Variants in ODAD2 observed in about 807,000 individuals in gnomAD.
ODAD2 encodes outer dynein arm docking complex subunit 2.
In ODAD2, 89 loss-of-function variants were observed where a neutral mutation model predicts 106.8. The ratio of observed to expected loss-of-function variants is 0.83; its 90% CI spans 0.70 to 0.99. ODAD2 has a LOEUF of 0.99. Among genes scored for constraint, ODAD2 ranks in the 50% least tolerant of loss-of-function variants. ODAD2 has a pLI of 0.00. For synonymous variants in ODAD2, 404 were observed against 436.2 expected, an observed-to-expected ratio of 0.93 and a Z score of 0.92; for missense variants, 1,168 against 1,238.5, an observed-to-expected ratio of 0.94 and a Z score of 0.85.
intron 19 of ODAD2, among the ~76,000 whole-genome samples, chr10:27,823,068 G>A (rs1395622568): frequency 1.3e-5 from 2 of 152,100 alleles, no homozygotes; most frequent in Non-Finnish European, 2.9e-5. Context: ...CTTGATGACT[G>A]GCTGGGTCAG....
At chr10:27,948,550 G>A (rs747239488) in intron 10 of ODAD2, among the ~76,000 whole-genome samples, 50 of 152,146 alleles carry the variant, frequency 3.3e-4, no homozygotes, top group Non-Finnish European at 6.2e-4. Flanking sequence ...TCTCCCCTAA[G>A]AACATAATTA....
At chr10:27,840,567 T>C (rs1179110570) in intron 19 of ODAD2, among the ~76,000 whole-genome samples, 2 of 152,160 alleles carry the variant, frequency 1.3e-5, no homozygotes, top group African/African-American at 4.8e-5. Flanking sequence ...CAGCTTCCCT[T>C]GTCTGAGATT....
chr10:27,997,693 C>T (rs1850636415), intron 1 of ODAD2, among the ~76,000 whole-genome samples: 1 of 152,072 alleles, frequency 6.6e-6, no homozygotes, highest in African/African-American at 2.4e-5. Context: ...CTATGACAAT[C>T]CAGAAGGCAA....
chr10:27,958,607 T>A (rs1048224079), intron 10 of ODAD2, among the ~76,000 whole-genome samples: 2 of 152,196 alleles, frequency 1.3e-5, no homozygotes, highest in Non-Finnish European at 2.9e-5. Flanking sequence ...AAAGTAAAAG[T>A]TGAAGGCCAC....
chr10:27,943,556 G>C (rs1265722883), intron 12 of ODAD2, among the ~76,000 whole-genome samples: 1 of 151,986 alleles, frequency 6.6e-6, no homozygotes, highest in African/African-American at 2.4e-5. Flanking sequence ...GGAGGCCAAG[G>C]TGGGCGGATT....
intron 16 of ODAD2, among the ~76,000 whole-genome samples, chr10:27,927,971 C>G (rs151309252): frequency 5.3e-5 from 8 of 152,206 alleles, no homozygotes; most frequent in African/African-American, 1.9e-4. Context: ...TCTAACTAAG[C>G]TTTAGACATG....
intron 8 of ODAD2, among the ~76,000 whole-genome samples, chr10:27,970,143 A>C (rs962091462): frequency 4.1e-5 from 6 of 146,626 alleles, no homozygotes; most frequent in African/African-American, 1.6e-4. Flanking sequence ...TAAATAAATA[A>C]ATAAATCTCT....
chr10:27,833,230 T>G (rs948156672), intron 19 of ODAD2, among the ~76,000 whole-genome samples: 2 of 152,220 alleles, frequency 1.3e-5, no homozygotes, highest in Non-Finnish European at 2.9e-5. Context: ...TTGCTGCCAG[T>G]TATGACTGCC....
At chr10:27,860,582 A>T in intron 19 of ODAD2, 43 bp downstream of exon 19, 3 of 1,583,354 alleles carry the variant, frequency 1.9e-6, no homozygotes, top group Non-Finnish European at 2.6e-6. Flanking sequence ...TCCAGGCTAC[A>T]TTTACCAAAC....
At chr10:27,899,235 G>C (rs563950552) in intron 17 of ODAD2, among the ~76,000 whole-genome samples, 2 of 152,078 alleles carry the variant, frequency 1.3e-5, no homozygotes, top group African/African-American at 2.4e-5. Context: ...CTAGCCAAGG[G>C]AAGGGGGAGT....
intron 17 of ODAD2, among the ~76,000 whole-genome samples, chr10:27,884,976 G>T (rs1040196940): frequency 6.6e-6 from 1 of 152,066 alleles, no homozygotes; most frequent in Non-Finnish European, 1.5e-5. Flanking sequence ...GAGAGAAGTG[G>T]CTGTTTCTTT....
chr10:27,885,648 TTATATATAATATATTA>T (rs1842084494), intron 17 of ODAD2, among the ~76,000 whole-genome samples: 1 of 30,982 alleles, frequency 3.2e-5, no homozygotes, highest in African/African-American at 9.7e-5. Flanking sequence ...ATTATATATA[TTATATATAATATATTA>T]TATATAAAAT....
rs184455566 is a variant in ODAD2, at chr10:27,931,970, T to C, written c.2495+3040A>G. Reference sequence around the variant, plus strand: ...AATATACCTAACCTACTGAACATCATAGCTTAGACTAGCCCACCTTAAATA... The same window carrying C: ...AATATACCTAACCTACTGAACATCACAGCTTAGACTAGCCCACCTTAAATA... On this transcript the variant is annotated intron_variant, in intron 16 of 19. Coordinates refer to ENST00000305242, the MANE Select transcript of ODAD2 (RefSeq NM_018076.5). Among the ~76,000 whole-genome samples the C allele has an allele frequency of 3.9e-5, 6 of 152,140 alleles. No individual in the cohort carries two copies. The East Asian group carries it at 1.2e-3, about 29-fold the overall frequency.
intron 7 of ODAD2, among the ~76,000 whole-genome samples, chr10:27,971,965 CAT>C (rs1352471094): frequency 6.6e-6 from 1 of 152,054 alleles, no homozygotes; most frequent in African/African-American, 2.4e-5. Context: ...CAGCCAGAAA[CAT>C]GGATCTATTC....
At chr10:27,984,025 G>A (rs748334350) in intron 5 of ODAD2, 46 bp from the exon 6 acceptor site, 4 of 1,587,794 alleles carry the variant, frequency 2.5e-6, no homozygotes, top group Non-Finnish European at 3.4e-6. Context: ...TTAACCTAGA[G>A]TTTGGTAAAA....
intron 19 of ODAD2, among the ~76,000 whole-genome samples, chr10:27,845,783 T>A (rs1186286716): frequency 2.0e-5 from 3 of 152,282 alleles, no homozygotes; most frequent in African/African-American, 7.2e-5. Flanking sequence ...TAGTCTCTGA[T>A]AAAACAGACT....
intron 17 of ODAD2, among the ~76,000 whole-genome samples, chr10:27,864,550 T>TGAGGTGAGAGCGGGGAGC (rs1840297816): frequency 7.4e-6 from 1 of 134,554 alleles, no homozygotes. Context: ...GAGCGGGGAG[T>TGAGGTGAGAGCGGGGAGC]GAGGTGAGAG....
At chr10:27,984,377 T>C (rs1474296511) in intron 4 of ODAD2, 87 bp from the exon 5 acceptor site, 2 of 925,778 alleles carry the variant, frequency 2.2e-6, no homozygotes, top group Admixed American at 4.6e-5. Context: ...TCAGGAGAAA[T>C]ATCTTTTTTG....
chr10:27,944,700 T>C, intron 11 of ODAD2, 116 bp downstream of exon 11: 1 of 1,265,294 alleles, frequency 7.9e-7, no homozygotes, highest in Non-Finnish European at 1.1e-6. Context: ...TCATCAGCAA[T>C]AATAGCAGAT....
Sources: allele counts gnomAD v4.1 joint callset (sites outside exome capture counted in the v4.1 genomes callset), GRCh38; gene constraint gnomAD v4.1.1; transcripts MANE v1.5; gene names NCBI Gene and HGNC (gene_info 2026-07-23, HGNC 2026-07-21).